Variants in PCDH15 observed in about 807,000 individuals in gnomAD.
PCDH15 encodes the protein protocadherin related 15, also known as protocadherin-15.
Under a neutral mutation model 178.5 loss-of-function variants are expected in PCDH15, and 129 were observed. The ratio of observed to expected loss-of-function variants is 0.72; its 90% CI spans 0.63 to 0.84. The LOEUF (loss-of-function observed/expected upper bound fraction) is 0.84, where lower values mean the gene tolerates loss of function less well. Among genes scored for constraint, PCDH15 ranks in the 40% least tolerant of loss-of-function variants. The pLI is 0.00. For missense variants in PCDH15, 2,230 were observed against 2,099.9 expected, an observed-to-expected ratio of 1.06 and a Z score of -1.21; for synonymous variants, 800 against 732.0, an observed-to-expected ratio of 1.09 and a Z score of -1.50.
chr10:53,848,832 TC>T (rs1589076367), intron 28 of PCDH15, among the ~76,000 whole-genome samples: 1 of 152,102 alleles, frequency 6.6e-6, no homozygotes, highest in East Asian at 1.9e-4. Flanking sequence ...CATGCTATTT[TC>T]TTAAACAAAA....
At chr10:55,569,571 A>G (rs1842367325) in intron 2 of PCDH15, among the ~76,000 whole-genome samples, 1 of 150,248 alleles carries the variant, frequency 6.7e-6, no homozygotes, top group African/African-American at 2.4e-5. Flanking sequence ...TTTTCAAAGA[A>G]TTTTCTAAAA....
chr10:55,320,467 G>T (rs892368440), upstream of PCDH15, among the ~76,000 whole-genome samples: 1 of 151,906 alleles, frequency 6.6e-6, no homozygotes, highest in Non-Finnish European at 1.5e-5. Flanking sequence ...CTGCCATGTT[G>T]CCCACTGCTG....
intron 5 of PCDH15, among the ~76,000 whole-genome samples, chr10:54,362,094 C>A (rs1470245632): frequency 6.6e-6 from 1 of 151,998 alleles, no homozygotes; most frequent in Non-Finnish European, 1.5e-5. Context: ...TCATGGAAAA[C>A]ACTTAGAATT....
intron 18 of PCDH15, among the ~76,000 whole-genome samples, chr10:54,049,974 G>A (rs971456841): frequency 1.3e-5 from 2 of 152,098 alleles, no homozygotes; most frequent in Non-Finnish European, 2.9e-5. Context: ...GTAGTATTTT[G>A]TTGAAGATTT....
chr10:54,871,599 G>A (rs1442940565), intron 3 of PCDH15, among the ~76,000 whole-genome samples: 1 of 151,968 alleles, frequency 6.6e-6, no homozygotes, highest in African/African-American at 2.4e-5. Flanking sequence ...TATTCCATAT[G>A]TTTAGGTTTA....
In PCDH15 at chr10:54,991,468, A is replaced by G. The variant is rs545820741; in HGVS notation, c.-79-93968T>C. Among the ~76,000 whole-genome samples the G allele has an allele frequency of 3.2e-4, 49 of 152,288 alleles. No homozygotes were observed. In the South Asian group the frequency reaches 4.1e-3, roughly 13 times the overall value. Reference sequence around the variant, plus strand: ...TAATGGGTCAATAAAAAGTAAATAGACATAAACTTGAAACTGAAAACCATC... The same window carrying G: ...TAATGGGTCAATAAAAAGTAAATAGGCATAAACTTGAAACTGAAAACCATC... On this transcript the variant is annotated intron_variant, in intron 2 of 5. Transcript: ENST00000458638.
At position 55,538,968 on chromosome 10, in the gene PCDH15, CT is replaced by C. The variant is rs1415152871; in HGVS notation, c.-156+88656del. Among the ~76,000 whole-genome samples, 59 of 34,442 alleles carry C rather than the reference CT, an allele frequency of 1.7e-3. 9 individuals carry two copies. The highest frequency in any genetic ancestry group is 4.2e-3 in the African/African-American group (56 of 13,244). 22.6% of individuals were successfully genotyped at this position (34,442 alleles called of 152,430 possible). A position where few individuals can be genotyped will look rare whatever the true frequency, so the allele number is the denominator to read the frequency against. Reference sequence around the variant, plus strand: ...CTCCCTTCCTTCCTTTCCTTCCTTCCTTCCTCCTTTCCTTCCTTCCTTCCTC... The same window carrying C: ...CTCCCTTCCTTCCTTTCCTTCCTTCCTCCTCCTTTCCTTCCTTCCTTCCTC... On this transcript the variant is annotated intron_variant, in intron 2 of 5. Coordinates refer to the PCDH15 transcript ENST00000613346.
At chr10:53,887,065 G>A (rs2069216) in intron 26 of PCDH15, among the ~76,000 whole-genome samples, 97,787 of 152,020 alleles carry the variant, frequency 0.64, 32,045 homozygotes, top group Middle Eastern at 0.78. Flanking sequence ...ACTAGCTCAT[G>A]ATCCTGGATT....
chr10:54,056,200 G>A (rs967039986), intron 18 of PCDH15, among the ~76,000 whole-genome samples: 7 of 151,988 alleles, frequency 4.6e-5, no homozygotes, highest in Non-Finnish European at 7.4e-5. Flanking sequence ...GGGAATTTGG[G>A]GTGTCCATCA....
intron 3 of PCDH15, among the ~76,000 whole-genome samples, chr10:54,491,778 A>G (rs557702104): frequency 6.6e-6 from 1 of 152,278 alleles, no homozygotes; most frequent in African/African-American, 2.4e-5. Flanking sequence ...TATTTTCTGA[A>G]AAGTCAAAAT....
intron 2 of PCDH15, among the ~76,000 whole-genome samples, chr10:55,096,211 C>T (rs1323442800): frequency 6.6e-6 from 1 of 152,072 alleles, no homozygotes; most frequent in Non-Finnish European, 1.5e-5. Flanking sequence ...TGACAGGAAA[C>T]CACCATCCCA....
chr10:54,008,638 C>G (rs750336794), intron 20 of PCDH15, among the ~76,000 whole-genome samples: 6 of 152,158 alleles, frequency 3.9e-5, no homozygotes, highest in Non-Finnish European at 7.3e-5. Context: ...CAACCACACC[C>G]TCATCAGAGA....
chr10:55,490,170 A>G (rs779974418), intron 2 of PCDH15, among the ~76,000 whole-genome samples: 16 of 151,752 alleles, frequency 1.1e-4, no homozygotes, highest in Non-Finnish European at 8.8e-5. Context: ...TTCTGTCAGG[A>G]GGCAATTTAG....
chr10:53,871,549 G>A (rs2079857766), intron 26 of PCDH15, among the ~76,000 whole-genome samples: 2 of 150,262 alleles, frequency 1.3e-5, no homozygotes, highest in African/African-American at 4.9e-5. Flanking sequence ...TTGTCATAAT[G>A]GTGATTCAAA....
At chr10:54,133,506 G>C (rs72797047) in intron 14 of PCDH15, among the ~76,000 whole-genome samples, 4,495 of 152,136 alleles carry the variant, frequency 0.03, 86 homozygotes, top group Middle Eastern at 0.082. Context: ...GAGGAGTCAG[G>C]ATCATAAAGA....
At chr10:54,194,917 C>A (rs1295817748) in intron 11 of PCDH15, among the ~76,000 whole-genome samples, 2 of 152,240 alleles carry the variant, frequency 1.3e-5, no homozygotes, top group East Asian at 3.9e-4. Flanking sequence ...TTCATTCTCT[C>A]CCACTGATAA....
In PCDH15 at chr10:53,827,516, A is replaced by G; in HGVS notation, c.4244T>C (p.Ile1415Thr). Residue 1415 changes from isoleucine to threonine, a missense_variant, in exon 32 of 38, where the codon ATT (isoleucine) becomes ACT (threonine). Physicochemically the swap from Ile to Thr is moderately conservative, Grantham distance 89. Coordinates refer to ENST00000644397, the MANE Select transcript of PCDH15 (RefSeq NM_001384140.1). The stretch of plus-strand genomic sequence containing the variant: ...TTTAGCCGCGGGTAATGCGGCCTGA[A>G]TTCGTGCAGTCTTTGTACACTCAGC... Reference protein sequence around the residue: ...RQAECTKTARIQAALPAAKPA... With the variant: ...RQAECTKTARTQAALPAAKPA... 1 of 1,614,094 alleles carries G rather than the reference A, an allele frequency of 6.2e-7. No homozygotes were observed. Among genetic ancestry groups the G allele is most frequent in the South Asian group, 1.1e-5 (1 of 91,082 alleles).
chr10:55,146,598 G>A (rs1319950594), intron 2 of PCDH15, among the ~76,000 whole-genome samples: 5 of 151,820 alleles, frequency 3.3e-5, no homozygotes, highest in African/African-American at 9.7e-5. Context: ...TAAAACAAGT[G>A]TTGTATTAAG....
intron 2 of PCDH15, among the ~76,000 whole-genome samples, chr10:54,558,754 A>T (rs1397784714): frequency 6.6e-6 from 1 of 152,102 alleles, no homozygotes; most frequent in Non-Finnish European, 1.5e-5. Flanking sequence ...TGTTGTGGGA[A>T]AATGTGAGAA....
Sources: gnomAD v4.1 joint callset for allele counts (sites outside exome capture counted in the v4.1 genomes callset) on GRCh38, gnomAD v4.1.1 for gene constraint, MANE v1.5 for transcripts, NCBI Gene and HGNC (gene_info 2026-07-23, HGNC 2026-07-21) for gene names.